HPF1: variants seen among roughly 807,000 people sequenced by gnomAD.
HPF1 encodes UPF0609 protein C4orf27.
Under a neutral mutation model 38.8 loss-of-function variants are expected in HPF1, and 35 were observed. That is an observed-to-expected ratio of 0.90 (90% CI 0.69 to 1.19). HPF1 has a LOEUF of 1.19. HPF1 is among the 50% of genes most tolerant of loss of function. HPF1 has a pLI of 0.00. For synonymous variants in HPF1, 115 were observed against 139.2 expected, an observed-to-expected ratio of 0.83 and a Z score of 1.22; for missense variants, 367 against 405.8, an observed-to-expected ratio of 0.90 and a Z score of 0.82.
At chr4:169,751,118 A>G (rs1734113462) in intron 2 of HPF1, among the ~76,000 whole-genome samples, 1 of 152,128 alleles carries the variant, frequency 6.6e-6, no homozygotes, top group Non-Finnish European at 1.5e-5. Flanking sequence ...AGAGTAGTAA[A>G]AAACAGGCCA....
rs199937559 is a variant in HPF1, at chr4:169,753,844, T to G, written c.49-9A>C. 8.1e-5 allele frequency: 129 copies of G among 1,602,176 alleles called. No homozygotes were observed. Among genetic ancestry groups the G allele is most frequent in the Middle Eastern group, 3.3e-4 (2 of 6,000 alleles). On this transcript the variant is annotated splice_polypyrimidine_tract_variant and intron_variant, in intron 1 of 7. Coordinates refer to ENST00000393381, the MANE Select transcript of HPF1 (RefSeq NM_017867.3). ...TCAGTTGTTTTTTCACACTGAAAATTGGCACACAAACTTTAGTTCTCCAAA... is the reference window on the plus strand; with the variant it reads ...TCAGTTGTTTTTTCACACTGAAAATGGGCACACAAACTTTAGTTCTCCAAA...
chr4:169,732,108 C>G, intron 6 of HPF1: 1 of 367,138 alleles, frequency 2.7e-6, no homozygotes, highest in Non-Finnish European at 4.9e-6. Context: ...TTATTAACGA[C>G]TATTTCACAG....
In HPF1 at chr4:169,757,892, G is replaced by T. The variant is rs1267970058; in HGVS notation, c.-15C>A. The T allele has an allele frequency of 7.1e-6, 11 of 1,549,544 alleles. No individual in the cohort carries two copies. The African/African-American group carries it at 9.5e-5, about 13-fold the overall frequency. On this transcript the variant is annotated 5_prime_UTR_variant, in exon 1 of 8. Transcript: ENST00000393381. Reference sequence around the variant, plus strand: ...CCGCCGACCATTCTGCAGCTGCAGCGCCAGCAGAATTCCCCGATCCGCGGC... The same window carrying T: ...CCGCCGACCATTCTGCAGCTGCAGCTCCAGCAGAATTCCCCGATCCGCGGC...
rs531161481 is a variant in HPF1, at chr4:169,750,710, C to T, written c.224G>A (p.Ser75Asn). The change falls in exon 3 of 8, where the codon AGC becomes AAC. Residue 75 changes from serine to asparagine, a missense_variant. Transcript: ENST00000393381. ...AGGACCAACTAATTGAAGTCCAAGG[C>T]TTGCAGAAAGTGAATCTATAAAGAA... ...PEKPSDSLSA[S>N]LGLQLVGPYD... 1 of 1,603,774 alleles carries T rather than the reference C, an allele frequency of 6.2e-7. No individual in the cohort carries two copies. Among genetic ancestry groups the T allele is most frequent in the African/African-American group, 1.3e-5 (1 of 74,458 alleles).
chr4:169,737,688 A>T lies in HPF1; in HGVS notation c.708T>A (p.Val236=). 1.9e-6 allele frequency: 3 copies of T among 1,611,668 alleles called. No individual in the cohort carries two copies. Among genetic ancestry groups the T allele is most frequent in the Non-Finnish European group, 2.5e-6 (3 of 1,177,928 alleles). The change falls in exon 6 of 8, where the codon GTT becomes GTA. Residue 236 remains valine (V), a synonymous_variant. Coordinates refer to ENST00000393381, the MANE Select transcript of HPF1 (RefSeq NM_017867.3). The part of the protein sequence containing the change: ...GLVVPVDKND[V]GYRELPETDA... Reference sequence around the variant, plus strand: ...CTGTTTCAGGGAGCTCTCGGTACCCAACATCATTTTTATCTACTGGAACAA... The same window carrying T: ...CTGTTTCAGGGAGCTCTCGGTACCCTACATCATTTTTATCTACTGGAACAA...
intron 5 of HPF1, 70 bp from the exon 6 acceptor site, chr4:169,737,817 T>A: frequency 1.1e-6 from 1 of 945,598 alleles, no homozygotes; most frequent in Admixed American, 1.9e-5. Context: ...CCCAAATACA[T>A]AAACCCTCAA....
intron 6 of HPF1, among the ~76,000 whole-genome samples, chr4:169,737,189 C>T (rs867146540): frequency 4.8e-4 from 72 of 149,534 alleles, no homozygotes; most frequent in Middle Eastern, 3.5e-3. Context: ...ACTTGGGAGG[C>T]TGAGGCAGGA....
chr4:169,748,936 A>AT (rs1320117436), intron 3 of HPF1, 94 bp from the exon 4 acceptor site: 33 of 605,282 alleles, frequency 5.5e-5, no homozygotes, highest in Non-Finnish European at 6.4e-5. Flanking sequence ...ATTTACACCT[A>AT]TTTTTTTTCC....
At chr4:169,742,531 G>C (rs558994864) in intron 4 of HPF1, among the ~76,000 whole-genome samples, 1 of 152,150 alleles carries the variant, frequency 6.6e-6, no homozygotes, top group Non-Finnish European at 1.5e-5. Context: ...AGTGGCTCAC[G>C]CCTGTAATCC....
Position 169,738,987 on chromosome 4 carries a change from G to C in HPF1, c.649-1240C>G, listed in dbSNP as rs571699965. ...GGGAACATCACACACTGGGGCCTGT[G>C]GTGGGGTGGGGGGAGGAGGGAGGGA... On this transcript the variant is annotated intron_variant, in intron 5 of 7. Coordinates refer to ENST00000393381, the MANE Select transcript of HPF1 (RefSeq NM_017867.3). Among the ~76,000 whole-genome samples the C allele has an allele frequency of 7.7e-3, 1,163 of 151,770 alleles. 16 individuals carry two copies. The highest frequency in any genetic ancestry group is 0.026 in the African/African-American group (1,081 of 41,316).
Position 169,738,949 on chromosome 4 carries a change from T to G in HPF1, c.649-1202A>C, listed in dbSNP as rs566487813. Among the ~76,000 whole-genome samples the G allele has an allele frequency of 2.7e-4, 36 of 132,934 alleles. No homozygotes were observed. In the Admixed American group the frequency reaches 2.8e-3, roughly 11 times the overall value. The allele number at this position is 132,934 out of a possible 152,430, so 87.2% of individuals were successfully genotyped here. ...GTGGGAATTGAACAATGAGAACACT[T>G]GGACACAGAGTGGGGAACATCACAC... On this transcript the variant is annotated intron_variant, in intron 5 of 7. Coordinates refer to ENST00000393381, the MANE Select transcript of HPF1 (RefSeq NM_017867.3).
chr4:169,742,607 A>ATG (rs1733987297), intron 4 of HPF1, among the ~76,000 whole-genome samples: 2 of 152,182 alleles, frequency 1.3e-5, no homozygotes, highest in Non-Finnish European at 2.9e-5. Flanking sequence ...CCTGGCTAAC[A>ATG]AGGTGAAACC....
At chr4:169,752,611 C>T (rs1223135024) in intron 2 of HPF1, among the ~76,000 whole-genome samples, 1 of 152,138 alleles carries the variant, frequency 6.6e-6, no homozygotes, top group Non-Finnish European at 1.5e-5. Context: ...TGGTAGCATA[C>T]TCTATACACT....
At chr4:169,733,961 C>T (rs1733863034) in intron 6 of HPF1, among the ~76,000 whole-genome samples, 1 of 151,908 alleles carries the variant, frequency 6.6e-6, no homozygotes, top group South Asian at 2.1e-4. Flanking sequence ...TGCTTTTAAC[C>T]CCAGTCTATG....
chr4:169,731,705 T>G lies in HPF1; in HGVS notation c.908A>C (p.His303Pro), dbSNP rs747169274. 6.5e-7 allele frequency: 1 copy of G among 1,537,264 alleles called. No individual in the cohort carries two copies. Among genetic ancestry groups the G allele is most frequent in the South Asian group, 1.3e-5 (1 of 77,102 alleles). Residue 303 changes from histidine to proline, a missense_variant and splice_region_variant, in exon 7 of 8, where the codon CAT becomes CCT. Physicochemically the swap from His to Pro is moderately conservative, Grantham distance 77 (BLOSUM62 -2). Transcript: ENST00000393381. ...AAGGTGGAGGGTTTTTTTACTCACA[T>G]GTGAGCCATAGCAAAAGAGATCCAT... is the stretch of plus-strand genomic sequence containing the variant. ...LGMDLFCYGS[H>P]YFHKVAGQLL... is the part of the protein sequence containing the mutation.
At position 169,757,836 on chromosome 4, in the gene HPF1, C is replaced by A. The variant is rs1480330420; in HGVS notation, c.42G>T (p.Gly14=). The A allele has an allele frequency of 1.3e-6, 2 of 1,563,936 alleles. No homozygotes were observed. Among genetic ancestry groups the A allele is most frequent in the Middle Eastern group, 1.7e-4 (1 of 5,982 alleles). Residue 14 remains glycine (G), a synonymous_variant, in exon 1 of 8, where the codon GGG becomes GGT. Coordinates refer to ENST00000393381, the MANE Select transcript of HPF1 (RefSeq NM_017867.3). ...GGGKRRPGGE[G]PQCEKTTDVK... is the part of the protein sequence containing the mutation. ...ACAGCCTTTCCGGCAGTACCTGCGGCCCCTCTCCGCCGGGCCTGCGCTTCC... is the reference window on the plus strand; with the variant it reads ...ACAGCCTTTCCGGCAGTACCTGCGGACCCTCTCCGCCGGGCCTGCGCTTCC...
intron 5 of HPF1, among the ~76,000 whole-genome samples, chr4:169,738,562 A>G (rs535716586): frequency 2.8e-4 from 42 of 152,178 alleles, no homozygotes; most frequent in Non-Finnish European, 5.4e-4. Context: ...TCTATATCTT[A>G]AAGATTTTTT....
intron 4 of HPF1, among the ~76,000 whole-genome samples, chr4:169,743,269 C>T (rs1248033624): frequency 6.6e-6 from 1 of 151,736 alleles, no homozygotes; most frequent in Non-Finnish European, 1.5e-5. Context: ...GCCACCACGC[C>T]CAGCTAATTT....
chr4:169,741,574 G>A (rs939403486), intron 5 of HPF1, among the ~76,000 whole-genome samples: 18 of 152,154 alleles, frequency 1.2e-4, no homozygotes, highest in Non-Finnish European at 2.2e-4. Flanking sequence ...AAAAAGAAAG[G>A]AGCACTGCTT....
Sources: allele counts gnomAD v4.1 joint callset (sites outside exome capture counted in the v4.1 genomes callset), GRCh38; gene constraint gnomAD v4.1.1; transcripts MANE v1.5; gene names NCBI Gene and HGNC (gene_info 2026-07-23, HGNC 2026-07-21).